The following FIGN variants were observed in gnomAD, a reference collection of about 807,000 sequenced individuals.
FIGN encodes fidgetin, microtubule severing factor.
In FIGN, 11 loss-of-function variants were observed where a neutral mutation model predicts 51.3. The ratio of observed to expected loss-of-function variants is 0.21; its 90% confidence interval spans 0.13 to 0.35. The LOEUF (loss-of-function observed/expected upper bound fraction) is 0.35. Ranked by LOEUF, FIGN falls within the 10% of genes least tolerant of loss-of-function variation. The probability of loss-of-function intolerance (pLI) is 1.00; values close to 1 mark genes in which losing one functional copy is unlikely to be tolerated. For missense variants in FIGN, 857 were observed against 943.6 expected (o/e 0.91, Z 1.20); for synonymous variants, 407 against 363.2 (o/e 1.12, Z -1.37).
intron 2 of FIGN, among the ~76,000 whole-genome samples, chr2:163,660,609 T>C (rs1303622250): frequency 6.8e-6 from 1 of 148,082 alleles, no homozygotes; most frequent in Non-Finnish European, 1.5e-5. Flanking sequence ...TATTCAGACT[T>C]GACTGAGATT....
At position 163,634,399 on chromosome 2, in the gene FIGN, T is replaced by C. The variant is rs1004730432; in HGVS notation, c.26-22593A>G. 1.1e-4 allele frequency among the ~76,000 whole-genome samples: 16 copies of C among 152,182 alleles called. 1 individual carries two copies. Among genetic ancestry groups the C allele is most frequent in the African/African-American group, 4.8e-5 (2 of 41,452 alleles). On this transcript the variant is annotated intron_variant, in intron 2 of 2. Coordinates refer to ENST00000333129, the MANE Select transcript of FIGN (RefSeq NM_018086.4). ...AACTTTATAGGAGTAACTTAGACTT[T>C]CTCATACTTTATATCTTTGTATATG...
At chr2:163,618,983 T>C (rs2105304294) in intron 2 of FIGN, among the ~76,000 whole-genome samples, 2 of 152,284 alleles carry the variant, frequency 1.3e-5, no homozygotes, top group South Asian at 4.1e-4. Context: ...TGGGAAATAA[T>C]TGATAACTTT....
At chr2:163,695,195 T>C (rs1684298238) in intron 2 of FIGN, among the ~76,000 whole-genome samples, 1 of 152,180 alleles carries the variant, frequency 6.6e-6, no homozygotes, top group African/African-American at 2.4e-5. Context: ...ATATTTGACA[T>C]CTCAACTTCC....
chr2:163,721,952 T>C (rs746398619), intron 2 of FIGN, among the ~76,000 whole-genome samples: 1 of 152,234 alleles, frequency 6.6e-6, no homozygotes, highest in African/African-American at 2.4e-5. Flanking sequence ...TGTCAAATAC[T>C]GTTGCCTAAC....
At chr2:163,723,945 T>C (rs1023090651) in intron 2 of FIGN, among the ~76,000 whole-genome samples, 1 of 152,200 alleles carries the variant, frequency 6.6e-6, no homozygotes. Context: ...TCCAAGATAA[T>C]TTTTGGAGCT....
intron 2 of FIGN, among the ~76,000 whole-genome samples, chr2:163,684,836 G>A (rs755563902): frequency 2.0e-5 from 3 of 151,872 alleles, no homozygotes; most frequent in Non-Finnish European, 4.4e-5. Flanking sequence ...GTGCACTGGC[G>A]TGATCTCGGC....
At chr2:163,617,610 T>G (rs1682901459) in intron 2 of FIGN, among the ~76,000 whole-genome samples, 1 of 152,158 alleles carries the variant, frequency 6.6e-6, no homozygotes, top group Non-Finnish European at 1.5e-5. Flanking sequence ...GAGCCATTGA[T>G]AGATTGTTGG....
intron 2 of FIGN, among the ~76,000 whole-genome samples, chr2:163,711,275 T>C (rs1364447537): frequency 6.6e-6 from 1 of 152,208 alleles, no homozygotes; most frequent in Non-Finnish European, 1.5e-5. Flanking sequence ...AAAAATGGAA[T>C]CTATAAATGG....
At chr2:163,666,901 TA>T (rs59881550) in intron 2 of FIGN, among the ~76,000 whole-genome samples, 143 of 145,064 alleles carry the variant, frequency 9.9e-4, no homozygotes, top group East Asian at 2.0e-3. Flanking sequence ...CCAAATTCAC[TA>T]AAAAAAAAAA....
chr2:163,612,533 G>A (rs1387348867), intron 2 of FIGN: 10 of 984,926 alleles, frequency 1.0e-5, no homozygotes, highest in East Asian at 2.3e-4. Flanking sequence ...CCTACAACTC[G>A]GTATGAATTA....
At chr2:163,643,438 G>A (rs888282011) in intron 2 of FIGN, among the ~76,000 whole-genome samples, 20 of 152,232 alleles carry the variant, frequency 1.3e-4, no homozygotes, top group African/African-American at 4.6e-4. Context: ...ATAACTTGAG[G>A]TCAGGAGTTT....
Position 163,610,598 on chromosome 2 carries a change from C to G in FIGN, c.1234G>C (p.Gly412Arg). ...CCAAAGGATTCACTGGATCTTGATC[C>G]CAATGAATTTTTAGCAGTACTGTAG... is the stretch of plus-strand genomic sequence containing the variant. Reference protein sequence around the residue: ...PSYSTAKNSLGSRSSESFGKY... With the variant: ...PSYSTAKNSLRSRSSESFGKY... The change falls in exon 3 of 3, where the codon GGA becomes CGA. Residue 412 changes from glycine (G) to arginine (R), a missense_variant. Transcript: ENST00000333129. The G allele has an allele frequency of 6.2e-7, 1 of 1,614,114 alleles. No homozygotes were observed. The highest frequency in any genetic ancestry group is 8.5e-7 in the Non-Finnish European group (1 of 1,180,024).
At chr2:163,642,367 G>A (rs1415360306) in intron 2 of FIGN, among the ~76,000 whole-genome samples, 1 of 152,212 alleles carries the variant, frequency 6.6e-6, no homozygotes, top group Admixed American at 6.5e-5. Flanking sequence ...AAGTAAGGAA[G>A]TCTCCACTCT....
chr2:163,657,500 C>CTCTG (rs1553497893), intron 2 of FIGN, among the ~76,000 whole-genome samples: 1 of 147,426 alleles, frequency 6.8e-6, no homozygotes, highest in Non-Finnish European at 1.5e-5. Flanking sequence ...CAGAGGGAGT[C>CTCTG]TGTGTGTGTG....
rs982773787 is a variant in FIGN at position 163,606,999 on chromosome 2, G to T, written c.*2553C>A. 2.0e-5 allele frequency: 3 copies of T among 152,124 alleles called. No individual in the cohort carries two copies. The highest frequency in any genetic ancestry group is 4.8e-5 in the African/African-American group (2 of 41,428). The allele number at this position is 152,124 out of a possible 1,614,324, so 9.4% of individuals were successfully genotyped here. A position where few individuals can be genotyped will look rare whatever the true frequency, so the allele number is the denominator to read the frequency against. ...AATGAGTGTAAAACACAATAGTGCA[G>T]TCATATATTTGGCATTAAATCTTAC... is the stretch of plus-strand genomic sequence containing the variant. On this transcript the variant is annotated 3_prime_UTR_variant, in exon 3 of 3. Coordinates refer to ENST00000333129, the MANE Select transcript of FIGN (RefSeq NM_018086.4).
intron 2 of FIGN, among the ~76,000 whole-genome samples, chr2:163,652,719 A>G (rs1683497565): frequency 6.6e-6 from 1 of 152,186 alleles, no homozygotes; most frequent in Admixed American, 6.5e-5. Context: ...TTGAACTTCC[A>G]TAATCTTATT....
At chr2:163,656,474 G>A (rs971717229) in intron 2 of FIGN, among the ~76,000 whole-genome samples, 4 of 151,994 alleles carry the variant, frequency 2.6e-5, no homozygotes, top group Non-Finnish European at 5.9e-5. Flanking sequence ...GAACTAATTC[G>A]GCTCCTTTGT....
intron 2 of FIGN, among the ~76,000 whole-genome samples, chr2:163,706,363 T>TA (rs1266143628): frequency 6.6e-6 from 1 of 152,076 alleles, no homozygotes; most frequent in African/African-American, 2.4e-5. Context: ...TCCAAAAAGG[T>TA]AAAACCAAGT....
At position 163,610,751 on chromosome 2, in the gene FIGN, G is replaced by T. The variant is rs1205155374; in HGVS notation, c.1081C>A (p.Arg361=). Residue 361 remains arginine (R), a synonymous_variant, in exon 3 of 3, where the codon CGG becomes AGG. Transcript: ENST00000333129. ...GCACTTCTGTCAAAGCCATTCCCCC[G>T]ATTTGTGTTTGAAATGCTGTTGTCG... ...MPDNSISNTN[R]GNGFDRSAET... 1 of 1,614,148 alleles carries T rather than the reference G, an allele frequency of 6.2e-7. No homozygotes were observed. The highest frequency in any genetic ancestry group is 8.5e-7 in the Non-Finnish European group (1 of 1,180,018).
Sources: allele counts gnomAD v4.1 joint callset (sites outside exome capture counted in the v4.1 genomes callset), GRCh38; gene constraint gnomAD v4.1.1; transcripts MANE v1.5; gene names NCBI Gene and HGNC (gene_info 2026-07-23, HGNC 2026-07-21).